The following NDUFAF2 variants were observed in gnomAD, a reference collection of about 807,000 sequenced individuals.
NDUFAF2 encodes NADH:ubiquinone oxidoreductase complex assembly factor 2.
Under a neutral mutation model 22.8 loss-of-function variants are expected in NDUFAF2, and 13 were observed. The ratio of observed to expected loss-of-function variants is 0.57; its 90% CI spans 0.37 to 0.91. NDUFAF2 has a LOEUF of 0.91. NDUFAF2 is among the 40% of genes least tolerant of loss of function. The pLI is 0.01. For synonymous variants in NDUFAF2, 53 were observed against 64.2 expected (o/e 0.83, Z 0.84); for missense variants, 162 against 195.2 (o/e 0.83, Z 1.01).
chr5:61,065,130 A>G (rs1254195322), intron 1 of NDUFAF2, among the ~76,000 whole-genome samples: 2 of 152,100 alleles, frequency 1.3e-5, no homozygotes, highest in Non-Finnish European at 2.9e-5. Context: ...CTAGAAAAAT[A>G]CAACCTACCA....
intron 2 of NDUFAF2, among the ~76,000 whole-genome samples, chr5:61,087,025 C>T (rs1359867112): frequency 1.3e-5 from 2 of 152,128 alleles, no homozygotes; most frequent in Non-Finnish European, 2.9e-5. Flanking sequence ...TCTTCTACCC[C>T]ATTCATGTGT....
intron 1 of NDUFAF2, among the ~76,000 whole-genome samples, chr5:61,069,497 C>T (rs1367924611): frequency 6.6e-6 from 1 of 152,028 alleles, no homozygotes; most frequent in Non-Finnish European, 1.5e-5. Flanking sequence ...TCAGTGATTA[C>T]ATGAATATTT....
intron 1 of NDUFAF2, among the ~76,000 whole-genome samples, chr5:61,025,880 G>C (rs1179916195): frequency 6.6e-6 from 1 of 151,876 alleles, no homozygotes; most frequent in Non-Finnish European, 1.5e-5. Flanking sequence ...TATATTAATG[G>C]TTTTTATATG....
intron 1 of NDUFAF2, among the ~76,000 whole-genome samples, chr5:61,022,341 C>T (rs1050842876): frequency 6.6e-6 from 1 of 152,156 alleles, no homozygotes; most frequent in African/African-American, 2.4e-5. Flanking sequence ...AGTTTTCCTT[C>T]TTTACACATA....
At chr5:61,098,443 T>A (rs920876103) in intron 2 of NDUFAF2, among the ~76,000 whole-genome samples, 1 of 152,230 alleles carries the variant, frequency 6.6e-6, no homozygotes, top group Non-Finnish European at 1.5e-5. Flanking sequence ...AGCAGCCACT[T>A]AACAAATGTG....
At chr5:60,956,161 A>G (rs559334243) in intron 1 of NDUFAF2, among the ~76,000 whole-genome samples, 9 of 152,208 alleles carry the variant, frequency 5.9e-5, no homozygotes, top group African/African-American at 2.2e-4. Context: ...TCGGCCTCCC[A>G]AAGTGTTGGG....
At chr5:61,008,986 T>C (rs1342783188) in intron 1 of NDUFAF2, among the ~76,000 whole-genome samples, 4 of 152,072 alleles carry the variant, frequency 2.6e-5, no homozygotes, top group African/African-American at 9.7e-5. Flanking sequence ...ATTCCTGCCG[T>C]TTTTGTCTTT....
At chr5:61,064,801 T>C (rs997022461) in intron 1 of NDUFAF2, among the ~76,000 whole-genome samples, 11 of 151,618 alleles carry the variant, frequency 7.3e-5, no homozygotes, top group Non-Finnish European at 1.6e-4. Context: ...ATAAATTGTC[T>C]AACATTACAC....
At chr5:60,995,990 A>T (rs1487561749) in intron 1 of NDUFAF2, among the ~76,000 whole-genome samples, 1 of 152,152 alleles carries the variant, frequency 6.6e-6, no homozygotes, top group Non-Finnish European at 1.5e-5. Flanking sequence ...AAGGTCTCTT[A>T]AGTCTGCTTT....
At chr5:61,017,586 G>C (rs1466661974) in intron 1 of NDUFAF2, among the ~76,000 whole-genome samples, 3 of 152,098 alleles carry the variant, frequency 2.0e-5, no homozygotes, top group Non-Finnish European at 4.4e-5. Context: ...TAAACTAGTT[G>C]TTAAATATAA....
At chr5:61,079,040 A>G (rs2111739868) in intron 2 of NDUFAF2, among the ~76,000 whole-genome samples, 1 of 152,322 alleles carries the variant, frequency 6.6e-6, no homozygotes, top group Non-Finnish European at 1.5e-5. Context: ...ATATAGTTGG[A>G]GGAGGCAGAA....
At chr5:61,106,200 C>T (rs1170743959) in intron 3 of NDUFAF2, among the ~76,000 whole-genome samples, 6 of 151,346 alleles carry the variant, frequency 4.0e-5, no homozygotes, top group African/African-American at 1.5e-4. Context: ...AGGCTGTTTA[C>T]ATGGTCTAAA....
In NDUFAF2 at chr5:61,006,406, G is replaced by A. The variant is rs565309147; in HGVS notation, c.127+61024G>A. On this transcript the variant is annotated intron_variant, in intron 1 of 3. Coordinates refer to ENST00000296597, the MANE Select transcript of NDUFAF2 (RefSeq NM_174889.5). ...CTCCAGCTTTGTTCTTTTGGCTTAG[G>A]ATTGACTTGGCAATGCGATCTCTTT... Among the ~76,000 whole-genome samples the A allele has an allele frequency of 2.0e-5, 3 of 152,284 alleles. No homozygotes were observed. In the East Asian group the frequency reaches 5.8e-4, roughly 29 times the overall value.
intron 1 of NDUFAF2, among the ~76,000 whole-genome samples, chr5:61,012,010 G>T (rs1221363725): frequency 2.0e-5 from 3 of 152,228 alleles, no homozygotes; most frequent in African/African-American, 7.2e-5. Context: ...GCTGAATTCA[G>T]TGAATATTTT....
intron 1 of NDUFAF2, among the ~76,000 whole-genome samples, chr5:60,992,830 T>G (rs1203206303): frequency 6.6e-6 from 1 of 152,210 alleles, no homozygotes; most frequent in Non-Finnish European, 1.5e-5. Context: ...TTTAGTGCTT[T>G]AAATATATCA....
At chr5:61,054,450 T>A (rs1752062338) in intron 1 of NDUFAF2, among the ~76,000 whole-genome samples, 1 of 152,054 alleles carries the variant, frequency 6.6e-6, no homozygotes, top group African/African-American at 2.4e-5. Flanking sequence ...AGGGAGCCAA[T>A]AGAATAGTCC....
chr5:61,135,605 T>C (rs1317148887), intron 3 of NDUFAF2, among the ~76,000 whole-genome samples: 1 of 152,134 alleles, frequency 6.6e-6, no homozygotes, highest in Non-Finnish European at 1.5e-5. Context: ...CTATCCTCAG[T>C]TATTGAATCA....
At chr5:61,012,534 T>C (rs1751454899) in intron 1 of NDUFAF2, among the ~76,000 whole-genome samples, 2 of 152,238 alleles carry the variant, frequency 1.3e-5, no homozygotes, top group East Asian at 3.9e-4. Flanking sequence ...TCTAGTACTT[T>C]ATGATTTTTT....
At chr5:61,115,056 G>C (rs1439516632) in intron 3 of NDUFAF2, 1 of 152,282 alleles carries the variant, frequency 6.6e-6, no homozygotes, top group African/African-American at 2.4e-5. Flanking sequence ...CCAGGGCCTG[G>C]AGTCTAGAAC....
Sources: allele counts gnomAD v4.1 joint callset (sites outside exome capture counted in the v4.1 genomes callset), GRCh38; gene constraint gnomAD v4.1.1; transcripts MANE v1.5; gene names NCBI Gene and HGNC (gene_info 2026-07-23, HGNC 2026-07-21).